Variants in SNX9 observed in about 807,000 individuals in gnomAD.
The protein encoded by SNX9 is sorting nexin 9.
In SNX9, 44 loss-of-function variants were observed where a neutral mutation model predicts 89.4. The ratio of observed to expected loss-of-function variants is 0.49; its 90% CI spans 0.39 to 0.63. The LOEUF (loss-of-function observed/expected upper bound fraction) is 0.63. SNX9 is among the 30% of genes least tolerant of loss of function. The probability of loss-of-function intolerance (pLI) is 0.00; values close to 1 mark genes in which losing one functional copy is unlikely to be tolerated. For missense variants in SNX9, 578 were observed against 736.1 expected (o/e 0.79, Z 2.49); for synonymous variants, 236 against 247.8 (o/e 0.95, Z 0.45).
intron 3 of SNX9, 40 bp from the exon 4 acceptor site, chr6:157,875,011 G>A (rs773409240): frequency 7.3e-5 from 117 of 1,608,820 alleles, no homozygotes; most frequent in Middle Eastern, 1.6e-4. Flanking sequence ...TGAAGTGACC[G>A]TAATCTATGA....
intron 11 of SNX9, among the ~76,000 whole-genome samples, chr6:157,927,991 T>A (rs1783731395): frequency 6.6e-6 from 1 of 152,162 alleles, no homozygotes; most frequent in South Asian, 2.1e-4. Context: ...TCAGTGTTAA[T>A]ATGTTAGTGT....
chr6:157,900,278 C>T (rs910117046), intron 5 of SNX9, among the ~76,000 whole-genome samples: 2 of 152,060 alleles, frequency 1.3e-5, no homozygotes, highest in South Asian at 4.2e-4. Flanking sequence ...GGAAAAATGT[C>T]AATTTGGGTC....
At chr6:157,865,308 C>T (rs1231154463) in intron 1 of SNX9, among the ~76,000 whole-genome samples, 1 of 146,608 alleles carries the variant, frequency 6.8e-6, no homozygotes, top group Non-Finnish European at 1.5e-5. Context: ...CACTGCACTC[C>T]AGCCTGGGCA....
At chr6:157,884,590 C>T (rs1782693190) in intron 4 of SNX9, among the ~76,000 whole-genome samples, 2 of 152,124 alleles carry the variant, frequency 1.3e-5, no homozygotes, top group Non-Finnish European at 2.9e-5. Flanking sequence ...TCTTCACTCT[C>T]ACTCCCACCC....
chr6:157,843,004 G>A (rs1265962170), intron 1 of SNX9, among the ~76,000 whole-genome samples: 1 of 152,160 alleles, frequency 6.6e-6, no homozygotes, highest in Non-Finnish European at 1.5e-5. Flanking sequence ...GTTAGTTCTG[G>A]CCTGTGCTCA....
At chr6:157,880,669 G>A (rs374217078) in intron 4 of SNX9, among the ~76,000 whole-genome samples, 9 of 152,160 alleles carry the variant, frequency 5.9e-5, no homozygotes, top group South Asian at 2.1e-4. Context: ...ATTGAGAGGC[G>A]TGCTCTGCAT....
chr6:157,834,240 C>T (rs1781536088), intron 1 of SNX9, among the ~76,000 whole-genome samples: 2 of 144,346 alleles, frequency 1.4e-5, no homozygotes. Flanking sequence ...GCAACCTCCA[C>T]TGACTGCAGC....
Position 157,909,665 on chromosome 6 carries a change from G to T in SNX9, c.706G>T (p.Val236Phe). The change falls in exon 8 of 18, where the codon GTT (valine) becomes TTT (phenylalanine). Residue 236 changes from valine (V) to phenylalanine (F), a missense_variant and splice_region_variant. Physicochemically the swap from Val to Phe is conservative, Grantham distance 50. Coordinates refer to ENST00000392185, the MANE Select transcript of SNX9 (RefSeq NM_016224.5). ...ACTTCTTTCTGGAACATTGGCATAG[G>T]TTGGAGATTATGGCCCAATGTGGGT... Reference protein sequence around the residue: ...AKPKEKIPIIVGDYGPMWVYP... With the variant: ...AKPKEKIPIIFGDYGPMWVYP... 6.2e-7 allele frequency: 1 copy of T among 1,613,532 alleles called. No homozygotes were observed. The highest frequency in any genetic ancestry group is 8.5e-7 in the Non-Finnish European group (1 of 1,179,872).
intron 9 of SNX9, among the ~76,000 whole-genome samples, chr6:157,912,038 G>A (rs983888622): frequency 2.0e-5 from 3 of 152,138 alleles, no homozygotes; most frequent in East Asian, 1.9e-4. Context: ...GGCACTGACC[G>A]AACCCCTGCT....
Position 157,932,254 on chromosome 6 carries a change from A to T in SNX9, c.1348A>T (p.Ser450Cys). 6.2e-7 allele frequency: 1 copy of T among 1,614,200 alleles called. No homozygotes were observed. The highest frequency in any genetic ancestry group is 8.5e-7 in the Non-Finnish European group (1 of 1,180,028). The change falls in exon 13 of 18, where the codon AGT becomes TGT. Residue 450 changes from serine (S) to cysteine (C), a missense_variant. Around this residue, in one of 2 missense-constraint regions of SNX9, gnomAD observed 348 missense variants for 491.4 expected, o/e 0.71. Coordinates refer to ENST00000392185, the MANE Select transcript of SNX9 (RefSeq NM_016224.5). ...CTTGCAGAGTTTGGCCACAGTGTTC[A>T]GTTCCAGTGGCTATCAAGGTGCGTC... Reference protein sequence around the residue: ...KALQSLATVFSSSGYQGETDL... With the variant: ...KALQSLATVFCSSGYQGETDL...
rs750073691 is a variant in SNX9, at chr6:157,875,155, G to A, written c.279G>A (p.Ser93=). 43 of 1,608,258 alleles carry A rather than the reference G, an allele frequency of 2.7e-5. No individual in the cohort carries two copies. The South Asian group carries it at 3.2e-4, about 12-fold the overall frequency. Residue 93 remains serine (S), a synonymous_variant, in exon 4 of 18, where the codon TCG becomes TCA. Coordinates refer to ENST00000392185, the MANE Select transcript of SNX9 (RefSeq NM_016224.5). ...CCAGCACAGCTCAGGCCAGTTCGTCGGCTGCCAGCAACAATCACCAGGTAC... is the reference window on the plus strand; with the variant it reads ...CCAGCACAGCTCAGGCCAGTTCGTCAGCTGCCAGCAACAATCACCAGGTAC... ...LSASTAQASS[S]AASNNHQVGS... is the part of the protein sequence containing the mutation.
At chr6:157,935,212 C>A (rs1783898761) in intron 13 of SNX9, among the ~76,000 whole-genome samples, 1 of 152,132 alleles carries the variant, frequency 6.6e-6, no homozygotes, top group African/African-American at 2.4e-5. Context: ...AAAGTTGATC[C>A]TTATGGAAGT....
At chr6:157,834,341 A>T (rs1213514633) in intron 1 of SNX9, among the ~76,000 whole-genome samples, 6 of 148,224 alleles carry the variant, frequency 4.0e-5, no homozygotes, top group African/African-American at 1.2e-4. Flanking sequence ...GGCTAATTTA[A>T]AAGAATTTTT....
At chr6:157,932,004 T>C (rs999820764) in intron 12 of SNX9, among the ~76,000 whole-genome samples, 191 bp from the exon 13 acceptor site, 17 of 152,314 alleles carry the variant, frequency 1.1e-4, no homozygotes, top group African/African-American at 3.8e-4. Flanking sequence ...CCACCATTAG[T>C]TGAACAGTCA....
chr6:157,891,100 C>T (rs558373590), intron 4 of SNX9, among the ~76,000 whole-genome samples: 2 of 139,190 alleles, frequency 1.4e-5, no homozygotes, highest in South Asian at 2.3e-4. Flanking sequence ...GGTGTGAACT[C>T]GGCTCACTGC....
intron 4 of SNX9, 102 bp downstream of exon 4, chr6:157,875,278 G>A: frequency 2.1e-6 from 3 of 1,420,786 alleles, no homozygotes; most frequent in Non-Finnish European, 2.8e-6. Context: ...TTCCCCAAAA[G>A]CAAAAACAAA....
chr6:157,874,917 C>T, intron 3 of SNX9, 134 bp from the exon 4 acceptor site: 4 of 931,510 alleles, frequency 4.3e-6, no homozygotes, highest in Non-Finnish European at 6.1e-6. Context: ...GAGTATGCGG[C>T]AAAAGCAGTG....
In SNX9 at chr6:157,873,106, T is replaced by G; in HGVS notation, c.104T>G (p.Val35Gly). ...GEIITITNPD[V>G]GGGWLEGRNI... is the part of the protein sequence containing the mutation. Reference sequence around the variant, plus strand: ...TTTTTTTTGGTGACTTATTAGGATGTAGGTGGAGGATGGCTGGAAGGAAGA... The same window carrying G: ...TTTTTTTTGGTGACTTATTAGGATGGAGGTGGAGGATGGCTGGAAGGAAGA... The change falls in exon 3 of 18, where the codon GTA becomes GGA. Residue 35 changes from valine to glycine, a missense_variant. By Grantham distance (109) the Val-to-Gly change is moderately radical (BLOSUM62 -3). Around this residue, in one of 2 missense-constraint regions of SNX9, gnomAD observed 230 missense variants for 244.7 expected, o/e 0.94. Transcript: ENST00000392185. 1 of 1,589,696 alleles carries G rather than the reference T, an allele frequency of 6.3e-7. No individual in the cohort carries two copies. Among genetic ancestry groups the G allele is most frequent in the Non-Finnish European group, 8.6e-7 (1 of 1,167,866 alleles).
At chr6:157,899,931 C>G (rs9346958) in intron 5 of SNX9, among the ~76,000 whole-genome samples, 37,568 of 151,798 alleles carry the variant, frequency 0.25, 4,927 homozygotes, top group African/African-American at 0.34. Context: ...AAGTGCGTGC[C>G]TGTGGGTGTG....
Sources: gnomAD v4.1 joint callset for allele counts (sites outside exome capture counted in the v4.1 genomes callset) on GRCh38, gnomAD v4.1.1 for gene constraint, gnomAD v4.1.1 regional missense constraint, MANE v1.5 for transcripts, NCBI Gene and HGNC (gene_info 2026-07-23, HGNC 2026-07-21) for gene names.